The following PLA2G15 variants were observed in gnomAD, a reference collection of about 807,000 sequenced individuals.
The protein encoded by PLA2G15 is lysosomal phospholipase A and acyltransferase.
PLA2G15 carries 20 observed loss-of-function variants against 40.9 expected under a neutral mutation model. That is an observed-to-expected ratio of 0.49 (90% CI 0.34 to 0.71). The LOEUF (loss-of-function observed/expected upper bound fraction) is 0.71, where lower values mean the gene tolerates loss of function less well. PLA2G15 is among the 30% of genes least tolerant of loss of function. The pLI is 0.01. For missense variants in PLA2G15, 471 were observed against 541.9 expected (o/e 0.87, Z 1.30); for synonymous variants, 223 against 228.2 (o/e 0.98, Z 0.21).
In PLA2G15 at chr16:68,260,442, CTG is replaced by C. The variant is rs1479436893; in HGVS notation, c.*788_*789del. The stretch of plus-strand genomic sequence containing the variant: ...GAAGCTGCCTCCCTTCACCCTGGGA[CTG>C]TGGTTCCAAGGATGAGAGCAGGGGT... On this transcript the variant is annotated 3_prime_UTR_variant, in exon 6 of 6. Coordinates refer to ENST00000219345, the MANE Select transcript of PLA2G15 (RefSeq NM_012320.4). The C allele has an allele frequency of 3.9e-5, 6 of 152,648 alleles. No individual in the cohort carries two copies. Among genetic ancestry groups the C allele is most frequent in the Non-Finnish European group, 7.3e-5 (5 of 68,140 alleles). 9.5% of individuals were successfully genotyped at this position (152,648 alleles called of 1,614,324 possible). A position where few individuals can be genotyped will look rare whatever the true frequency, so the allele number is the denominator to read the frequency against.
In PLA2G15 at chr16:68,253,687, TTTTG is replaced by T. The variant is rs773904560; in HGVS notation, c.285-1228_285-1225del. On this transcript the variant is annotated intron_variant, in intron 2 of 5. Transcript: ENST00000219345. ...CCTGTGCCTGGCCTAGTGTGTTTTG[TTTTG>T]TTTTTTTTTTTTTTTTGAGACAGGG... 3.1e-3 allele frequency among the ~76,000 whole-genome samples: 430 copies of T among 138,642 alleles called. 18 individuals carry two copies. In the East Asian group the frequency reaches 0.073, roughly 24 times the overall value. 91.0% of individuals were successfully genotyped at this position (138,642 alleles called of 152,430 possible).
At position 68,261,003 on chromosome 16, in the gene PLA2G15, G is replaced by A. The variant is rs1181715370; in HGVS notation, c.*1346G>A. 6.6e-6 allele frequency: 1 copy of A among 152,308 alleles called. No homozygotes were observed. The highest frequency in any genetic ancestry group is 2.4e-5 in the African/African-American group (1 of 41,428). 9.4% of individuals were successfully genotyped at this position (152,308 alleles called of 1,614,324 possible). On this transcript the variant is annotated 3_prime_UTR_variant, in exon 6 of 6. Coordinates refer to ENST00000219345, the MANE Select transcript of PLA2G15 (RefSeq NM_012320.4). ...CTTGTTCCTGAGTGGCCCCACATGG[G>A]GCTCTGAGCAGGCTGTATCTGGATT...
In PLA2G15 at chr16:68,255,458, G is replaced by C; in HGVS notation, c.502+78G>C. On this transcript the variant is annotated intron_variant, in intron 4 of 5. Transcript: ENST00000219345. This position sits in a 1 kb window ranked among gnomAD's most constrained non-coding sequence, Gnocchi z 5.9. Reference sequence around the variant, plus strand: ...TGATCATGGGCACCACAGACCTTGGGCTCTCCCCTTGTCCTTGGCTGTCTC... The same window carrying C: ...TGATCATGGGCACCACAGACCTTGGCCTCTCCCCTTGTCCTTGGCTGTCTC... 2.0e-6 allele frequency: 2 copies of C among 982,558 alleles called. No homozygotes were observed. The highest frequency in any genetic ancestry group is 1.5e-6 in the Non-Finnish European group (1 of 656,078). 60.9% of individuals were successfully genotyped at this position (982,558 alleles called of 1,614,324 possible). A position where few individuals can be genotyped will look rare whatever the true frequency, so the allele number is the denominator to read the frequency against.
At chr16:68,250,044 T>A (rs1392142679) in intron 2 of PLA2G15, among the ~76,000 whole-genome samples, 1 of 151,970 alleles carries the variant, frequency 6.6e-6, no homozygotes, top group Non-Finnish European at 1.5e-5. Context: ...CCTTTCCTTG[T>A]CTGTGCCTCG....
intron 2 of PLA2G15, chr16:68,254,311 T>TTTA (rs2042382065): frequency 7.2e-6 from 1 of 139,610 alleles, no homozygotes; most frequent in South Asian, 2.3e-4. Flanking sequence ...TGCTTTTTAT[T>TTTA]TTTATTTATT....
In PLA2G15 at chr16:68,259,472, C is replaced by T. The variant is rs1237509158; in HGVS notation, c.1054C>T (p.Pro352Ser). Residue 352 changes from proline (P) to serine (S), a missense_variant, in exon 6 of 6, where the codon CCT (proline) becomes TCT (serine). Pro to Ser is a moderately conservative substitution (Grantham distance 74). Transcript: ENST00000219345. This position sits in a 1 kb window ranked among gnomAD's most constrained non-coding sequence, Gnocchi z 6.5. ...FYYESFPDRD[P>S]KICFGDGDGT... ...CTATGAGAGCTTCCCTGACCGTGAC[C>T]CTAAAATCTGCTTTGGTGACGGCGA... is the stretch of plus-strand genomic sequence containing the variant. The T allele has an allele frequency of 6.2e-7, 1 of 1,613,550 alleles. No individual in the cohort carries two copies. Among genetic ancestry groups the T allele is most frequent in the Non-Finnish European group, 8.5e-7 (1 of 1,180,038 alleles).
Position 68,259,381 on chromosome 16 carries a change from G to GATGCCACC in PLA2G15, c.964_971dup (p.Gly325CysfsTer42). The GATGCCACC allele has an allele frequency of 1.2e-6, 2 of 1,614,000 alleles. No homozygotes were observed. Among genetic ancestry groups the GATGCCACC allele is most frequent in the Non-Finnish European group, 1.7e-6 (2 of 1,180,032 alleles). On this transcript the variant is annotated frameshift_variant, in exon 6 of 6. Coordinates refer to ENST00000219345, the MANE Select transcript of PLA2G15 (RefSeq NM_012320.4). LOFTEE classifies it high-confidence loss of function. The surrounding 1 kb of genome is among the most constrained non-coding windows in gnomAD (Gnocchi z 6.5). The stretch of plus-strand genomic sequence containing the variant: ...ACACAGAAGGGCTGGTGGAAGCCAC[G>GATGCCACC]ATGCCACCTGGCGTGCAGCTGCACT...
rs548914013 is a variant in PLA2G15, at chr16:68,259,283, A to G, written c.865A>G (p.Asn289Asp). The change falls in exon 6 of 6, where the codon AAC becomes GAC. Residue 289 changes from asparagine to aspartate, a missense_variant. Coordinates refer to ENST00000219345, the MANE Select transcript of PLA2G15 (RefSeq NM_012320.4). This position sits in a 1 kb window ranked among gnomAD's most constrained non-coding sequence, Gnocchi z 6.5. ...GGTGTTCGTGCAGACACCCACAATCAACTACACACTGCGGGACTACCGCAA... is the reference window on the plus strand; with the variant it reads ...GGTGTTCGTGCAGACACCCACAATCGACTACACACTGCGGGACTACCGCAA... ...EKVFVQTPTI[N>D]YTLRDYRKFF... The G allele has an allele frequency of 1.9e-6, 3 of 1,614,024 alleles. No homozygotes were observed. The South Asian group carries it at 3.3e-5, about 18-fold the overall frequency.
At position 68,255,415 on chromosome 16, in the gene PLA2G15, C is replaced by T. The variant is rs767690323; in HGVS notation, c.502+35C>T. 25 of 1,439,248 alleles carry T rather than the reference C, an allele frequency of 1.7e-5. No homozygotes were observed. The highest frequency in any genetic ancestry group is 1.8e-4 in the Middle Eastern group (1 of 5,456). The allele number at this position is 1,439,248 out of a possible 1,614,324, so 89.2% of individuals were successfully genotyped here. A position where few individuals can be genotyped will look rare whatever the true frequency, so the allele number is the denominator to read the frequency against. The stretch of plus-strand genomic sequence containing the variant: ...CACTCTCATTCCCTCCCTGACGTCT[C>T]GGGAGGTAGGGGTGAGGTGATCATG... On this transcript the variant is annotated intron_variant, in intron 4 of 5. Transcript: ENST00000219345. This position sits in a 1 kb window ranked among gnomAD's most constrained non-coding sequence, Gnocchi z 5.9.
intron 1 of PLA2G15, among the ~76,000 whole-genome samples, chr16:68,246,583 G>A (rs1248128009): frequency 6.6e-6 from 1 of 152,292 alleles, no homozygotes; most frequent in Non-Finnish European, 1.5e-5. Flanking sequence ...AAAGCTCCAG[G>A]GGGATACTAG....
At chr16:68,257,329 GA>G (rs2042409919) in intron 5 of PLA2G15, among the ~76,000 whole-genome samples, 1 of 152,312 alleles carries the variant, frequency 6.6e-6, no homozygotes, top group East Asian at 1.9e-4. Flanking sequence ...CTGGCCTCTA[GA>G]CTACAGTTTT....
intron 1 of PLA2G15, 38 bp downstream of exon 1, chr16:68,245,591 C>T: frequency 1.9e-6 from 3 of 1,542,528 alleles, no homozygotes; most frequent in Non-Finnish European, 2.6e-6. Flanking sequence ...GTCGGTCGGG[C>T]GGGACGGGCC....
At chr16:68,250,162 G>A (rs1281575025) in intron 2 of PLA2G15, among the ~76,000 whole-genome samples, 1 of 148,206 alleles carries the variant, frequency 6.7e-6, no homozygotes, top group African/African-American at 2.5e-5. Context: ...CCTGATAAAT[G>A]GCTTCCATTC....
Position 68,257,937 on chromosome 16 carries a change from G to A in PLA2G15, c.728-1209G>A, listed in dbSNP as rs149258076. On this transcript the variant is annotated intron_variant, in intron 5 of 5. Transcript: ENST00000219345. ...GTGTGGTGCGGGGAGGTGGAAGTCC[G>A]TGCACCCCTAGGGGCTTTCCTTGCC... Among the ~76,000 whole-genome samples the A allele has an allele frequency of 6.1e-3, 922 of 152,256 alleles. 10 individuals are homozygous for A. The highest frequency in any genetic ancestry group is 0.019 in the African/African-American group (800 of 41,536).
chr16:68,250,001 G>T lies in PLA2G15; in HGVS notation c.284+555G>T, dbSNP rs117453787. Among the ~76,000 whole-genome samples the T allele has an allele frequency of 4.0e-4, 61 of 151,880 alleles. 1 individual carries two copies. The East Asian group carries it at 0.011, about 28-fold the overall frequency. On this transcript the variant is annotated intron_variant, in intron 2 of 5. Transcript: ENST00000219345. ...GCCTACACAAAATTTCTGTGTCCCA[G>T]CCCCTATTCAGAGCCTCGGCATGGC...
chr16:68,255,024 CA>C lies in PLA2G15; in HGVS notation c.394del (p.Ser132AlafsTer49). On this transcript the variant is annotated frameshift_variant, in exon 3 of 6. Transcript: ENST00000219345. LOFTEE classifies it high-confidence loss of function. This position sits in a 1 kb window ranked among gnomAD's most constrained non-coding sequence, Gnocchi z 5.9. Reference sequence around the variant, plus strand: ...TCTCACTGGAGTTCCTGGACCCCAGCAAAAGCAGCGTGGGTATGTAGCCCTT... The same window carrying C: ...TCTCACTGGAGTTCCTGGACCCCAGCAAAGCAGCGTGGGTATGTAGCCCTT... Reference protein sequence around the residue: ...TFSLEFLDPSKSSVGSYFHTM... With the variant: ...TFSLEFLDPSXSSVGSYFHTM... The C allele has an allele frequency of 6.2e-7, 1 of 1,610,522 alleles. No individual in the cohort carries two copies. Among genetic ancestry groups the C allele is most frequent in the Non-Finnish European group, 8.5e-7 (1 of 1,176,848 alleles).
intron 5 of PLA2G15, among the ~76,000 whole-genome samples, chr16:68,257,009 T>C (rs2042407263): frequency 6.6e-6 from 1 of 151,368 alleles, no homozygotes; most frequent in Non-Finnish European, 1.5e-5. Flanking sequence ...GCCTCCCGGG[T>C]AACTGGGACT....
chr16:68,245,590 G>T, intron 1 of PLA2G15, 37 bp downstream of exon 1: 2 of 1,548,030 alleles, frequency 1.3e-6, no homozygotes, highest in East Asian at 2.4e-5. Context: ...TGTCGGTCGG[G>T]CGGGACGGGC....
rs1289030046 is a variant in PLA2G15, at chr16:68,260,374, C to A, written c.*717C>A. The A allele has an allele frequency of 1.3e-5, 2 of 152,880 alleles. No individual in the cohort carries two copies. Among genetic ancestry groups the A allele is most frequent in the African/African-American group, 4.8e-5 (2 of 41,460 alleles). The allele number at this position is 152,880 out of a possible 1,614,324, so 9.5% of individuals were successfully genotyped here. A position where few individuals can be genotyped will look rare whatever the true frequency, so the allele number is the denominator to read the frequency against. ...GCCCCCAGTCCCGCAGGCTGTGTTC[C>A]AGGGGCCCTGATTTCCTCGGATGTG... is the stretch of plus-strand genomic sequence containing the variant. On this transcript the variant is annotated 3_prime_UTR_variant, in exon 6 of 6. Coordinates refer to ENST00000219345, the MANE Select transcript of PLA2G15 (RefSeq NM_012320.4).
Sources: gnomAD v4.1 joint callset for allele counts (sites outside exome capture counted in the v4.1 genomes callset) on GRCh38, gnomAD v4.1.1 for gene constraint, Gnocchi (gnomAD v3.1) non-coding constraint, MANE v1.5 for transcripts, NCBI Gene and HGNC (gene_info 2026-07-23, HGNC 2026-07-21) for gene names.